SLC30A4: variants seen among roughly 807,000 people sequenced by gnomAD.
SLC30A4 encodes solute carrier family 30 member 4, also known as probable proton-coupled zinc antiporter SLC30A4.
In SLC30A4, 20 loss-of-function variants were observed where a neutral mutation model predicts 41.7. The ratio of observed to expected loss-of-function variants is 0.48; its 90% CI spans 0.34 to 0.70. The LOEUF (loss-of-function observed/expected upper bound fraction) is 0.70. Among genes scored for constraint, SLC30A4 ranks in the 30% least tolerant of loss-of-function variants. The pLI, the probability that SLC30A4 is intolerant of heterozygous loss-of-function variation, is 0.01. For missense variants in SLC30A4, 441 were observed against 529.3 expected (o/e 0.83, Z 1.64); for synonymous variants, 181 against 195.9 (o/e 0.92, Z 0.64).
intron 3 of SLC30A4, among the ~76,000 whole-genome samples, chr15:45,508,856 T>G (rs945794379): frequency 6.6e-6 from 1 of 152,206 alleles, no homozygotes; most frequent in Non-Finnish European, 1.5e-5. Flanking sequence ...AAAGTGACTA[T>G]GTAGAACAAA....
chr15:45,509,282 C>T (rs1892227816), intron 3 of SLC30A4, among the ~76,000 whole-genome samples: 1 of 142,056 alleles, frequency 7.0e-6, no homozygotes, highest in Admixed American at 7.3e-5. Flanking sequence ...AGACAAGAGT[C>T]TTACTCTGCC....
chr15:45,518,337 C>T (rs370485130), intron 2 of SLC30A4, among the ~76,000 whole-genome samples: 1 of 152,040 alleles, frequency 6.6e-6, no homozygotes, highest in African/African-American at 2.4e-5. Flanking sequence ...AATTTACTTA[C>T]GTGTTTAATG....
In SLC30A4 at chr15:45,522,194, C is replaced by T. The variant is rs758023492; in HGVS notation, c.161G>A (p.Gly54Asp). 1.2e-6 allele frequency: 2 copies of T among 1,614,226 alleles called. No homozygotes were observed. The highest frequency in any genetic ancestry group is 1.7e-6 in the Non-Finnish European group (2 of 1,180,044). ...AACAGGCCTTTCCGGGGCTTCGGAA[C>T]CGTCATCGGCCACCACAACTCGAAG... ...NKLRVVVADD[G>D]SEAPERPVNG... The change falls in exon 2 of 8, where the codon GGT becomes GAT. Residue 54 changes from glycine (G) to aspartate (D), a missense_variant. Coordinates refer to ENST00000261867, the MANE Select transcript of SLC30A4 (RefSeq NM_013309.6).
At position 45,481,873 on chromosome 15, in the gene SLC30A4, A is replaced by G. The variant is rs2140804228; in HGVS notation, c.*3290T>C. 6.6e-6 allele frequency: 1 copy of G among 152,174 alleles called. No individual in the cohort carries two copies. The highest frequency in any genetic ancestry group is 2.1e-4 in the South Asian group (1 of 4,822). The allele number at this position is 152,174 out of a possible 1,614,324, so 9.4% of individuals were successfully genotyped here. ...ACTTTTTCCTACAAAAACAAAGCAC[A>G]GGAAACTTTATGTGTACCTCACTTT... is the stretch of plus-strand genomic sequence containing the variant. On this transcript the variant is annotated 3_prime_UTR_variant, in exon 8 of 8. Transcript: ENST00000261867.
intron 3 of SLC30A4, among the ~76,000 whole-genome samples, chr15:45,507,008 C>T (rs1017529676): frequency 2.6e-5 from 4 of 152,064 alleles, no homozygotes; most frequent in African/African-American, 9.7e-5. Flanking sequence ...TTTTTAAGTT[C>T]TATTTTTCTG....
Position 45,484,243 on chromosome 15 carries a change from G to A in SLC30A4, c.*920C>T, listed in dbSNP as rs1380952241. 2.0e-5 allele frequency: 3 copies of A among 152,334 alleles called. No homozygotes were observed. The highest frequency in any genetic ancestry group is 2.9e-5 in the Non-Finnish European group (2 of 68,020). The allele number at this position is 152,334 out of a possible 1,614,324, so 9.4% of individuals were successfully genotyped here. A position where few individuals can be genotyped will look rare whatever the true frequency, so the allele number is the denominator to read the frequency against. On this transcript the variant is annotated 3_prime_UTR_variant, in exon 8 of 8. Transcript: ENST00000261867. ...ACGTACCACATTTTTTGTACAAATT[G>A]TTGGCAGTTCTTAAAGGGACAGAAG...
rs1289174412 is a variant in SLC30A4, at chr15:45,484,403, A to G, written c.*760T>C. 1 of 152,216 alleles carries G rather than the reference A, an allele frequency of 6.6e-6. No individual in the cohort carries two copies. The highest frequency in any genetic ancestry group is 1.5e-5 in the Non-Finnish European group (1 of 68,026). The allele number at this position is 152,216 out of a possible 1,614,324, so 9.4% of individuals were successfully genotyped here. Reference sequence around the variant, plus strand: ...TTTATTTTGTTTTAAATCATCATATAGTAATTTGAGTTTAAGACTAACTTC... The same window carrying G: ...TTTATTTTGTTTTAAATCATCATATGGTAATTTGAGTTTAAGACTAACTTC... On this transcript the variant is annotated 3_prime_UTR_variant, in exon 8 of 8. Coordinates refer to ENST00000261867, the MANE Select transcript of SLC30A4 (RefSeq NM_013309.6).
chr15:45,493,565 C>T lies in SLC30A4; in HGVS notation c.539-2684G>A, dbSNP rs879385251. ...AAAAACCGCTGGGCATGGTGGCTCA[C>T]GCCTGTAGTCCCAGCACTTTGGGAG... On this transcript the variant is annotated intron_variant, in intron 3 of 7. Transcript: ENST00000261867. Among the ~76,000 whole-genome samples, 2 of 151,958 alleles carry T rather than the reference C, an allele frequency of 1.3e-5. 1 individual carries two copies. The highest frequency in any genetic ancestry group is 2.9e-5 in the Non-Finnish European group (2 of 67,974).
rs1166130286 is a variant in SLC30A4 at position 45,517,345 on chromosome 15, C to CTTTTTTT, written c.391+4612_391+4618dup. Among the ~76,000 whole-genome samples, 92 of 65,574 alleles carry CTTTTTTT rather than the reference C, an allele frequency of 1.4e-3. 1 individual carries two copies. Among genetic ancestry groups the CTTTTTTT allele is most frequent in the Non-Finnish European group, 1.9e-3 (71 of 37,122 alleles). 43.0% of individuals were successfully genotyped at this position (65,574 alleles called of 152,430 possible). ...CCAAGAATATACCCTCCAATCCATTCTTTTTTTTTTTTTTTTTTTTTTTTT... is the reference window on the plus strand; with the variant it reads ...CCAAGAATATACCCTCCAATCCATTCTTTTTTTTTTTTTTTTTTTTTTTTTTTTTTTT... On this transcript the variant is annotated intron_variant, in intron 2 of 7. Transcript: ENST00000261867.
In SLC30A4 at chr15:45,516,795, G is replaced by C. The variant is rs1454231122; in HGVS notation, c.391+5169C>G. On this transcript the variant is annotated intron_variant, in intron 2 of 7. Transcript: ENST00000261867. Reference sequence around the variant, plus strand: ...TGAGGCAGGAGAATCACTTGAATCCGGGAGGTGGAGGCTGCTACTCAGGAG... The same window carrying C: ...TGAGGCAGGAGAATCACTTGAATCCCGGAGGTGGAGGCTGCTACTCAGGAG... 3.3e-5 allele frequency among the ~76,000 whole-genome samples: 5 copies of C among 151,908 alleles called. No individual in the cohort carries two copies. In the South Asian group the frequency reaches 1.0e-3, roughly 32 times the overall value.
chr15:45,498,646 A>G (rs1282647947), intron 3 of SLC30A4, among the ~76,000 whole-genome samples: 1 of 152,158 alleles, frequency 6.6e-6, no homozygotes, highest in Non-Finnish European at 1.5e-5. Context: ...ACGTCTAGCT[A>G]TCCAGCGTGG....
Position 45,482,072 on chromosome 15 carries a change from A to G in SLC30A4, c.*3091T>C, listed in dbSNP as rs951007481. 6.5e-6 allele frequency: 1 copy of G among 154,340 alleles called. No homozygotes were observed. Among genetic ancestry groups the G allele is most frequent in the African/African-American group, 2.5e-5 (1 of 40,772 alleles). 9.6% of individuals were successfully genotyped at this position (154,340 alleles called of 1,614,324 possible). On this transcript the variant is annotated 3_prime_UTR_variant, in exon 8 of 8. Coordinates refer to ENST00000261867, the MANE Select transcript of SLC30A4 (RefSeq NM_013309.6). Reference sequence around the variant, plus strand: ...CCCATCTCATTAAAAAAAAAAAAAAAAAAAAAAAAAAAAGATTTACAAAGG... The same window carrying G: ...CCCATCTCATTAAAAAAAAAAAAAAGAAAAAAAAAAAAAGATTTACAAAGG...
At chr15:45,518,497 C>T (rs555325163) in intron 2 of SLC30A4, among the ~76,000 whole-genome samples, 17 of 152,308 alleles carry the variant, frequency 1.1e-4, no homozygotes, top group African/African-American at 4.1e-4. Context: ...TGGACCTTTA[C>T]GAAGGTCTCA....
chr15:45,507,150 T>C (rs1428620465), intron 3 of SLC30A4, among the ~76,000 whole-genome samples: 1 of 151,768 alleles, frequency 6.6e-6, no homozygotes, highest in Non-Finnish European at 1.5e-5. Context: ...TGAAATCCCG[T>C]CTCTACTAAA....
At chr15:45,492,573 T>C (rs1429806491) in intron 3 of SLC30A4, among the ~76,000 whole-genome samples, 1 of 152,132 alleles carries the variant, frequency 6.6e-6, no homozygotes, top group African/African-American at 2.4e-5. Flanking sequence ...TAGCAAATTA[T>C]TGGAAACAAC....
intron 3 of SLC30A4, among the ~76,000 whole-genome samples, chr15:45,505,604 C>G (rs914971444): frequency 6.6e-6 from 1 of 152,146 alleles, no homozygotes; most frequent in African/African-American, 2.4e-5. Flanking sequence ...CATTTTCAAA[C>G]CAGAAGCTTC....
chr15:45,486,691 T>C lies in SLC30A4; in HGVS notation c.1055A>G (p.Glu352Gly), dbSNP rs1198382815. 6.3e-7 allele frequency: 1 copy of C among 1,597,194 alleles called. No individual in the cohort carries two copies. Among genetic ancestry groups the C allele is most frequent in the East Asian group, 2.3e-5 (1 of 43,980 alleles). ...DYIKEALMKI[E>G]DVYSVEDLNI... is the part of the protein sequence containing the mutation. ...TAAATCTTCGACTGAATATACATCT[T>C]CTATTTTCATCAAGGCTTCTTTGAT... The change falls in exon 7 of 8, where the codon GAA becomes GGA. Residue 352 changes from glutamate (E) to glycine (G), a missense_variant. Coordinates refer to ENST00000261867, the MANE Select transcript of SLC30A4 (RefSeq NM_013309.6).
rs191172808 is a variant in SLC30A4 at position 45,506,121 on chromosome 15, A to C, written c.538+5017T>G. Among the ~76,000 whole-genome samples the C allele has an allele frequency of 5.1e-3, 773 of 152,244 alleles. 2 individuals carry two copies. The highest frequency in any genetic ancestry group is 7.9e-3 in the Non-Finnish European group (538 of 68,006). ...CCAGTCCCAGCTACTCGAGAGGCTGAGGTGGGAGGATTGCTTGAGCCTAGG... is the reference window on the plus strand; with the variant it reads ...CCAGTCCCAGCTACTCGAGAGGCTGCGGTGGGAGGATTGCTTGAGCCTAGG... On this transcript the variant is annotated intron_variant, in intron 3 of 7. Coordinates refer to ENST00000261867, the MANE Select transcript of SLC30A4 (RefSeq NM_013309.6).
intron 2 of SLC30A4, among the ~76,000 whole-genome samples, chr15:45,515,085 C>G (rs964904882): frequency 4.0e-5 from 6 of 151,086 alleles, no homozygotes; most frequent in Non-Finnish European, 8.8e-5. Flanking sequence ...CAAGGTGTCA[C>G]TATGTTGTCC....
Sources: gnomAD v4.1 joint callset for allele counts (sites outside exome capture counted in the v4.1 genomes callset) on GRCh38, gnomAD v4.1.1 for gene constraint, MANE v1.5 for transcripts, NCBI Gene and HGNC (gene_info 2026-07-23, HGNC 2026-07-21) for gene names.